The following SIN3A variants were observed in gnomAD, a reference collection of about 807,000 sequenced individuals.
SIN3A encodes the protein SIN3 transcription regulator family member A, also known as paired amphipathic helix protein Sin3a.
SIN3A carries 14 observed loss-of-function variants against 146.1 expected under a neutral mutation model. The observed-to-expected ratio is 0.10, with a 90% CI of 0.06 to 0.15. The LOEUF (loss-of-function observed/expected upper bound fraction) is 0.15. Ranked by LOEUF, SIN3A falls within the 10% of genes least tolerant of loss-of-function variation. SIN3A has a pLI of 1.00. For missense variants in SIN3A, 1,028 were observed against 1,576.0 expected (o/e 0.65, Z 5.89); for synonymous variants, 572 against 572.0 (o/e 1.00, Z 0.00).
At chr15:75,454,826 G>C (rs1012425406), upstream of SIN3A, 1 of 152,462 alleles carries the variant, frequency 6.6e-6, no homozygotes, top group Non-Finnish European at 1.5e-5. Flanking sequence ...GAAGCAGGCA[G>C]CTCCATGTTT....
intron 1 of SIN3A, chr15:75,436,431 A>G (rs1274838895): frequency 6.6e-6 from 1 of 152,188 alleles, no homozygotes; most frequent in Admixed American, 6.6e-5. Context: ...AGATCTCGCT[A>G]CTGCACTCGA....
intron 3 of SIN3A, chr15:75,419,969 T>A (rs1030200618): frequency 3.2e-4 from 48 of 152,168 alleles, no homozygotes; most frequent in African/African-American, 1.1e-3. Flanking sequence ...CCAACTCTTA[T>A]ATAAACTCTC....
intron 3 of SIN3A, chr15:75,422,431 A>G (rs890203724): frequency 3.2e-5 from 20 of 623,706 alleles, no homozygotes; most frequent in African/African-American, 2.4e-4. Context: ...ATGCATTCAT[A>G]CAGTCCACAA....
chr15:75,387,561 TA>T (rs33945328), intron 16 of SIN3A, among the ~76,000 whole-genome samples: 52,007 of 112,922 alleles, frequency 0.46, 12,043 homozygotes, highest in African/African-American at 0.64. Flanking sequence ...CTGTTTCCAT[TA>T]AAAAAAAAAA....
At chr15:75,434,891 T>G (rs1218070351) in intron 1 of SIN3A, among the ~76,000 whole-genome samples, 3 of 150,382 alleles carry the variant, frequency 2.0e-5, no homozygotes, top group Non-Finnish European at 4.4e-5. Context: ...GAGGCTGCAG[T>G]GAGCCGAGAT....
chr15:75,454,806 G>A (rs929817379), upstream of SIN3A: 15 of 152,438 alleles, frequency 9.8e-5, no homozygotes, highest in Non-Finnish European at 2.2e-4. Flanking sequence ...GCCGCCTTGG[G>A]GTGGGCGGGG....
chr15:75,426,188 C>T (rs1054321889), intron 2 of SIN3A, among the ~76,000 whole-genome samples: 3 of 152,140 alleles, frequency 2.0e-5, no homozygotes, highest in Admixed American at 6.6e-5. Flanking sequence ...AAAGTAATCA[C>T]CCAAGGTAAA....
At chr15:75,380,426 A>G (rs547278217) in intron 19 of SIN3A, among the ~76,000 whole-genome samples, 81 of 152,318 alleles carry the variant, frequency 5.3e-4, no homozygotes, top group African/African-American at 1.9e-3. Context: ...TTGATTCTCT[A>G]CAACTCTCAC....
chr15:75,399,423 G>C (rs926914718), intron 12 of SIN3A, among the ~76,000 whole-genome samples: 2 of 152,144 alleles, frequency 1.3e-5, no homozygotes, highest in African/African-American at 4.8e-5. Flanking sequence ...AGCTACTCGG[G>C]AGGCTGAGGC....
intron 5 of SIN3A, among the ~76,000 whole-genome samples, chr15:75,412,542 G>A (rs2073660156): frequency 6.6e-6 from 1 of 152,198 alleles, no homozygotes; most frequent in Admixed American, 6.6e-5. Context: ...TAAAAAGAAA[G>A]ACCTTGAAAG....
intron 1 of SIN3A, among the ~76,000 whole-genome samples, chr15:75,435,035 A>T (rs2074082453): frequency 6.6e-6 from 1 of 152,088 alleles, no homozygotes; most frequent in African/African-American, 2.4e-5. Flanking sequence ...ACACTGATGG[A>T]GGAGGCTTTA....
intron 2 of SIN3A, among the ~76,000 whole-genome samples, chr15:75,428,434 C>T (rs952874010): frequency 6.6e-6 from 1 of 152,176 alleles, no homozygotes; most frequent in Non-Finnish European, 1.5e-5. Flanking sequence ...TCACCTCAGT[C>T]TCCCGGGTAG....
chr15:75,425,619 G>C (rs183161212), intron 2 of SIN3A, among the ~76,000 whole-genome samples: 1 of 152,178 alleles, frequency 6.6e-6, no homozygotes, highest in Non-Finnish European at 1.5e-5. Flanking sequence ...TTACAAGTTT[G>C]AGGAAATAAA....
intron 3 of SIN3A, chr15:75,419,635 C>T (rs1488163576): frequency 6.7e-6 from 1 of 148,490 alleles, no homozygotes; most frequent in Non-Finnish European, 1.5e-5. Flanking sequence ...GCCTGGCTAA[C>T]ATGGAAAAAC....
Position 75,384,428 on chromosome 15 carries a change from T to C in SIN3A, c.3031A>G (p.Ile1011Val), listed in dbSNP as rs1471529486. The change falls in exon 17 of 21, where the codon ATC (isoleucine) becomes GTC (valine). Residue 1011 changes from isoleucine to valine, a missense_variant. Around this residue, in one of 9 missense-constraint regions of SIN3A, gnomAD observed 488 missense variants for 690.2 expected, o/e 0.71. Coordinates refer to ENST00000394947, the MANE Select transcript of SIN3A (RefSeq NM_001145358.2). ...IQSIVRQLQH[I>V]VSDEICVQVT... ...TGCACACAGATCTCATCACTCACGA[T>C]ATGCTGCAGCTGGAAGCAAACAAAG... 6.2e-7 allele frequency: 1 copy of C among 1,608,250 alleles called. No homozygotes were observed. The highest frequency in any genetic ancestry group is 8.5e-7 in the Non-Finnish European group (1 of 1,177,628).
chr15:75,445,774 A>AAAAG (rs1242184350), intron 1 of SIN3A, among the ~76,000 whole-genome samples: 8 of 151,660 alleles, frequency 5.3e-5, no homozygotes, highest in Non-Finnish European at 1.5e-5. Flanking sequence ...AAAAAAAAAA[A>AAAAG]AAAGAAAGAA....
At chr15:75,406,359 T>C (rs1438639397) in intron 9 of SIN3A, among the ~76,000 whole-genome samples, 2 of 152,238 alleles carry the variant, frequency 1.3e-5, no homozygotes, top group Non-Finnish European at 2.9e-5. Flanking sequence ...ATGCTATGTA[T>C]GTGTGTACTA....
intron 3 of SIN3A, chr15:75,422,372 T>C: frequency 1.7e-6 from 1 of 601,730 alleles, no homozygotes. Context: ...AATTTTAAGG[T>C]TTATTTTGTA....
Position 75,392,421 on chromosome 15 carries a change from T to G in SIN3A, c.2672A>C (p.Asn891Thr), listed in dbSNP as rs1220560594. ...EVYNLFYVNN[N>T]WYIFMRLHQI... ...GTGCAGTCGCATAAAAATATACCAG[T>G]TGTTGTTGACATAGAAGAGGTTGTA... Residue 891 changes from asparagine to threonine, a missense_variant, in exon 15 of 21, where the codon AAC (asparagine) becomes ACC (threonine). This residue lies in a region of SIN3A where 488 missense variants were observed against 690.2 expected (regional missense o/e 0.71). Transcript: ENST00000394947. The G allele has an allele frequency of 1.2e-6, 2 of 1,614,234 alleles. No homozygotes were observed.
Sources: allele counts gnomAD v4.1 joint callset (sites outside exome capture counted in the v4.1 genomes callset), GRCh38; gene constraint gnomAD v4.1.1; regional missense constraint gnomAD v4.1.1; transcripts MANE v1.5; gene names NCBI Gene and HGNC (gene_info 2026-07-23, HGNC 2026-07-21).